The following FAM98B variants were observed in gnomAD, a reference collection of about 807,000 sequenced individuals.
FAM98B encodes the protein tRNA-splicing ligase complex subunit FAM98B.
A neutral mutation model predicts 43.9 loss-of-function variants in FAM98B; 32 were observed. The observed-to-expected ratio is 0.73, with a 90% confidence interval of 0.55 to 0.98. The LOEUF is 0.98. Among genes scored for constraint, FAM98B ranks in the 50% least tolerant of loss-of-function variants. The pLI is 0.00. For synonymous variants in FAM98B, 190 were observed against 174.0 expected (o/e 1.09, Z -0.72); for missense variants, 514 against 522.9 (o/e 0.98, Z 0.17).
Position 38,473,543 on chromosome 15 carries a change from G to A in FAM98B, c.570G>A (p.Val190=). 2 of 1,610,780 alleles carry A rather than the reference G, an allele frequency of 1.2e-6. No homozygotes were observed. Among genetic ancestry groups the A allele is most frequent in the Non-Finnish European group, 1.7e-6 (2 of 1,178,656 alleles). Residue 190 remains valine (V), a synonymous_variant, in exon 5 of 8, where the codon GTG becomes GTA. Transcript: ENST00000397609. ...DILSKVQKNH[V]GKPLLKMDLN... Reference sequence around the variant, plus strand: ...TCTCAAAGGTCCAGAAAAATCATGTGGGAAAACCACTGCTGAAAATGGATT... The same window carrying A: ...TCTCAAAGGTCCAGAAAAATCATGTAGGAAAACCACTGCTGAAAATGGATT...
rs1889810130 is a variant in FAM98B at position 38,454,194 on chromosome 15, G to A, written c.33G>A (p.Thr11=). The A allele has an allele frequency of 4.4e-6, 7 of 1,604,072 alleles. No individual in the cohort carries two copies. Among genetic ancestry groups the A allele is most frequent in the Non-Finnish European group, 5.9e-6 (7 of 1,176,576 alleles). ...GGCCGGAGCCGGGTCCCCAACCGAC[G>A]ATGGAGGGAGACGTGCTGGACACAC... MRGPEPGPQP[T]MEGDVLDTLE... Residue 11 remains threonine (T), a synonymous_variant, in exon 1 of 8, where the codon ACG becomes ACA. Transcript: ENST00000397609.
intron 1 of FAM98B, among the ~76,000 whole-genome samples, chr15:38,454,556 T>C (rs1889818682): frequency 6.6e-6 from 1 of 152,164 alleles, no homozygotes; most frequent in Admixed American, 6.5e-5. Flanking sequence ...CCGCAGGTGA[T>C]ATTTGTGTTG....
chr15:38,480,823 G>A (rs891434796), intron 6 of FAM98B, among the ~76,000 whole-genome samples: 2 of 151,826 alleles, frequency 1.3e-5, no homozygotes, highest in Admixed American at 1.3e-4. Flanking sequence ...TTTAACTTTA[G>A]ATTTTTTTTT....
intron 3 of FAM98B, among the ~76,000 whole-genome samples, chr15:38,468,041 G>T (rs1203661106): frequency 6.6e-6 from 1 of 152,132 alleles, no homozygotes; most frequent in African/African-American, 2.4e-5. Context: ...GGAATCTAAG[G>T]ATCTGCAAAA....
At position 38,478,406 on chromosome 15, in the gene FAM98B, A is replaced by G. The variant is rs189542980; in HGVS notation, c.730-2886A>G. Among the ~76,000 whole-genome samples the G allele has an allele frequency of 2.0e-5, 3 of 152,222 alleles. No homozygotes were observed. In the East Asian group the frequency reaches 5.8e-4, roughly 29 times the overall value. ...CATTTGGTCTTTTTCAATTGATTAT[A>G]TGATTATATGCATTTGTATACTAAG... On this transcript the variant is annotated intron_variant, in intron 6 of 7. Coordinates refer to ENST00000397609, the MANE Select transcript of FAM98B (RefSeq NM_173611.4).
At chr15:38,457,883 CCTA>C (rs758250396) in intron 1 of FAM98B, among the ~76,000 whole-genome samples, 10 of 151,466 alleles carry the variant, frequency 6.6e-5, no homozygotes, top group Admixed American at 2.0e-4. Context: ...GGCCAAAACT[CCTA>C]CTATCTGACC....
rs1346983610 is a variant in FAM98B at position 38,471,015 on chromosome 15, C to T, written c.531+610C>T. Among the ~76,000 whole-genome samples the T allele has an allele frequency of 2.6e-5, 4 of 151,428 alleles. No homozygotes were observed. In the East Asian group the frequency reaches 7.8e-4, roughly 29 times the overall value. ...GTCAAGCCATATATTAGAGAGGATG[C>T]TACTCTCACAGACCAAATTCTGGCC... On this transcript the variant is annotated intron_variant, in intron 4 of 7. Coordinates refer to ENST00000397609, the MANE Select transcript of FAM98B (RefSeq NM_173611.4).
Position 38,484,563 on chromosome 15 carries a change from A to T in FAM98B, c.1206A>T (p.Arg402Ser), listed in dbSNP as rs1252038583. Residue 402 changes from arginine to serine, a missense_variant, in exon 8 of 8, where the codon AGA becomes AGT. This residue lies in a region of FAM98B where 45 missense variants were observed against 71.1 expected (regional missense o/e 0.63). Coordinates refer to ENST00000397609, the MANE Select transcript of FAM98B (RefSeq NM_173611.4). ...GTGGAAGAGGGGGTTATGGTGGAAGAGGGGGCTATGGTGGAAGAGGCTATG... is the reference window on the plus strand; with the variant it reads ...GTGGAAGAGGGGGTTATGGTGGAAGTGGGGGCTATGGTGGAAGAGGCTATG... ...DYGGRGGYGG[R>S]GGYGGRGYGD... 9 of 1,157,956 alleles carry T rather than the reference A, an allele frequency of 7.8e-6. No individual in the cohort carries two copies. Among genetic ancestry groups the T allele is most frequent in the Non-Finnish European group, 8.5e-6 (8 of 940,690 alleles). 71.7% of individuals were successfully genotyped at this position (1,157,956 alleles called of 1,614,324 possible). A position where few individuals can be genotyped will look rare whatever the true frequency, so the allele number is the denominator to read the frequency against.
chr15:38,465,062 C>A (rs1890007536), intron 2 of FAM98B, among the ~76,000 whole-genome samples: 1 of 152,188 alleles, frequency 6.6e-6, no homozygotes, highest in African/African-American at 2.4e-5. Context: ...AGAAATGGAT[C>A]ATTTGCTCTG....
chr15:38,481,628 T>C, intron 7 of FAM98B, 169 bp downstream of exon 7: 2 of 1,537,074 alleles, frequency 1.3e-6, no homozygotes, highest in Non-Finnish European at 1.8e-6. Flanking sequence ...TGTGTGTATG[T>C]TCACTTGAAT....
At chr15:38,463,960 G>A (rs916810246) in intron 1 of FAM98B, 72 bp from the exon 2 acceptor site, 93 of 1,402,812 alleles carry the variant, frequency 6.6e-5, no homozygotes, top group Non-Finnish European at 5.8e-6. Flanking sequence ...AGCAGACCTT[G>A]ACACAGAGTG....
chr15:38,464,201 C>T (rs767683307), intron 2 of FAM98B, 24 bp downstream of exon 2: 7 of 1,592,372 alleles, frequency 4.4e-6, no homozygotes, highest in Non-Finnish European at 6.0e-6. Context: ...GTTGTATTTA[C>T]TTTTCTGTTT....
intron 6 of FAM98B, among the ~76,000 whole-genome samples, chr15:38,477,352 T>C (rs1413869264): frequency 1.3e-5 from 2 of 151,886 alleles, no homozygotes; most frequent in Non-Finnish European, 2.9e-5. Context: ...AGTAGCAGCA[T>C]GTCACCAGGG....
At chr15:38,475,150 A>G (rs1452372377) in intron 6 of FAM98B, among the ~76,000 whole-genome samples, 2 of 151,856 alleles carry the variant, frequency 1.3e-5, no homozygotes, top group African/African-American at 4.8e-5. Flanking sequence ...GCAGTTCCCA[A>G]CCTTTTTGGC....
At chr15:38,474,383 A>G (rs1057488319) in intron 6 of FAM98B, 85 bp downstream of exon 6, 1 of 813,204 alleles carries the variant, frequency 1.2e-6, no homozygotes, top group African/African-American at 1.7e-5. Context: ...TAACCATGCC[A>G]CATTTGTACT....
At chr15:38,483,683 AAATATATATATATAT>A (rs1890317140) in intron 7 of FAM98B, 1 of 38,258 alleles carries the variant, frequency 2.6e-5, no homozygotes, top group Non-Finnish European at 4.8e-5. Context: ...AAAAAAAAAA[AAATATATATATATAT>A]ATATATATAT....
At chr15:38,475,972 C>G (rs1890193791) in intron 6 of FAM98B, among the ~76,000 whole-genome samples, 2 of 152,098 alleles carry the variant, frequency 1.3e-5, no homozygotes, top group South Asian at 4.1e-4. Context: ...TGCAGTTTTG[C>G]TGTTTGCATG....
intron 2 of FAM98B, among the ~76,000 whole-genome samples, chr15:38,464,725 A>G (rs150731210): frequency 0.011 from 1,741 of 152,242 alleles, 20 homozygotes; most frequent in Non-Finnish European, 0.019. Context: ...AAAAAGAAAA[A>G]TTAAAAATTG....
intron 1 of FAM98B, chr15:38,458,790 C>G (rs76539576): frequency 2.3e-6 from 1 of 438,388 alleles, no homozygotes. Flanking sequence ...TATAGATGTC[C>G]TCTGCTCTGC....
Sources: gnomAD v4.1 joint callset for allele counts (sites outside exome capture counted in the v4.1 genomes callset) on GRCh38, gnomAD v4.1.1 for gene constraint, gnomAD v4.1.1 regional missense constraint, MANE v1.5 for transcripts, NCBI Gene and HGNC (gene_info 2026-07-23, HGNC 2026-07-21) for gene names.